Variants in CALCR observed in about 807,000 individuals in gnomAD.
CALCR encodes the protein calcitonin receptor.
In CALCR, 47 loss-of-function variants were observed where a neutral mutation model predicts 59.5. The ratio of observed to expected loss-of-function variants is 0.79; its 90% CI spans 0.63 to 1.01. The LOEUF is 1.01. Among genes scored for constraint, CALCR ranks in the 50% least tolerant of loss-of-function variants. CALCR has a pLI of 0.00. For missense variants in CALCR, 566 were observed against 597.1 expected (o/e 0.95, Z 0.54); for synonymous variants, 213 against 211.3 (o/e 1.01, Z -0.07).
At chr7:93,493,788 T>A (rs927627142) in intron 2 of CALCR, among the ~76,000 whole-genome samples, 1 of 151,382 alleles carries the variant, frequency 6.6e-6, no homozygotes, top group African/African-American at 2.4e-5. Flanking sequence ...AGATAAGAAA[T>A]TCAGGAGAGG....
At chr7:93,513,840 TATAG>T (rs1293602021) in intron 2 of CALCR, among the ~76,000 whole-genome samples, 5 of 150,178 alleles carry the variant, frequency 3.3e-5, no homozygotes, top group Admixed American at 6.6e-5. Context: ...CAAATAAACA[TATAG>T]ATATTTATTT....
chr7:93,490,236 T>C (rs528610445), intron 2 of CALCR, among the ~76,000 whole-genome samples: 73 of 152,014 alleles, frequency 4.8e-4, no homozygotes, highest in Non-Finnish European at 9.3e-4. Flanking sequence ...TTCAATAGAC[T>C]AGGTATTGAT....
At chr7:93,521,078 A>T (rs1173515442) in intron 2 of CALCR, among the ~76,000 whole-genome samples, 1 of 152,132 alleles carries the variant, frequency 6.6e-6, no homozygotes, top group East Asian at 1.9e-4. Flanking sequence ...GAAAGGTCCA[A>T]ACCCTTCCCC....
intron 2 of CALCR, among the ~76,000 whole-genome samples, chr7:93,535,210 T>C (rs1788954273): frequency 6.6e-6 from 1 of 151,750 alleles, no homozygotes; most frequent in Non-Finnish European, 1.5e-5. Context: ...CGTTTTATAC[T>C]TATGCTCTAG....
intron 2 of CALCR, among the ~76,000 whole-genome samples, chr7:93,553,039 C>A (rs141007788): frequency 1.7e-4 from 26 of 152,158 alleles, no homozygotes; most frequent in Admixed American, 1.3e-4. Flanking sequence ...GGACACCTGA[C>A]CTCACACCTT....
At chr7:93,556,941 A>G (rs2106734) in intron 2 of CALCR, among the ~76,000 whole-genome samples, 1 of 151,974 alleles carries the variant, frequency 6.6e-6, no homozygotes, top group Admixed American at 6.6e-5. Context: ...GAGCCAAAGC[A>G]TATGGGATTT....
chr7:93,528,296 A>T (rs1788730978), intron 2 of CALCR, among the ~76,000 whole-genome samples: 1 of 152,222 alleles, frequency 6.6e-6, no homozygotes. Context: ...TTTTTATTAT[A>T]CTTTAAATTC....
At chr7:93,557,047 T>G (rs1789625742) in intron 2 of CALCR, among the ~76,000 whole-genome samples, 1 of 152,020 alleles carries the variant, frequency 6.6e-6, no homozygotes, top group South Asian at 2.1e-4. Context: ...TTGGTTCATC[T>G]CCCATGACTT....
chr7:93,565,697 C>T (rs1789849781), intron 2 of CALCR, among the ~76,000 whole-genome samples: 1 of 152,092 alleles, frequency 6.6e-6, no homozygotes, highest in Non-Finnish European at 1.5e-5. Flanking sequence ...GGTCTAATAC[C>T]CTGACCTTTC....
intron 2 of CALCR, among the ~76,000 whole-genome samples, chr7:93,498,662 G>A (rs1276276806): frequency 6.6e-6 from 1 of 151,616 alleles, no homozygotes; most frequent in East Asian, 1.9e-4. Flanking sequence ...CCAATCTAAA[G>A]GATAAGCATG....
chr7:93,550,640 C>CATACAT (rs546932316), intron 2 of CALCR, among the ~76,000 whole-genome samples: 1 of 146,758 alleles, frequency 6.8e-6, no homozygotes, highest in Admixed American at 7.0e-5. Flanking sequence ...CACACACACA[C>CATACAT]GAGAGACAGA....
chr7:93,504,309 T>C (rs1801381699), intron 2 of CALCR, among the ~76,000 whole-genome samples: 1 of 152,182 alleles, frequency 6.6e-6, no homozygotes, highest in Non-Finnish European at 1.5e-5. Flanking sequence ...AAAAACACTA[T>C]CATTGTAATA....
At chr7:93,569,101 A>G (rs1789940367) in intron 2 of CALCR, among the ~76,000 whole-genome samples, 1 of 151,932 alleles carries the variant, frequency 6.6e-6, no homozygotes, top group Non-Finnish European at 1.5e-5. Context: ...TCTGTCTCCA[A>G]CAAGGAGGCC....
intron 2 of CALCR, among the ~76,000 whole-genome samples, chr7:93,554,428 G>A (rs557078785): frequency 6.6e-6 from 1 of 152,168 alleles, no homozygotes; most frequent in South Asian, 2.1e-4. Context: ...AAAGGAAAGA[G>A]ATCAAAGAAG....
At position 93,443,889 on chromosome 7, in the gene CALCR, C is replaced by T. The variant is rs572439533; in HGVS notation, c.649-132G>A. ...AGGCAGTTTCCCAAGCATCTGTAAA[C>T]ATGTGCCACCTGCTATACCCACAAA... On this transcript the variant is annotated intron_variant, in intron 8 of 13. Transcript: ENST00000426151. 6.8e-4 allele frequency: 468 copies of T among 690,044 alleles called. 1 individual carries two copies. Among genetic ancestry groups the T allele is most frequent in the African/African-American group, 1.3e-3 (73 of 55,650 alleles). The allele number at this position is 690,044 out of a possible 1,614,324, so 42.7% of individuals were successfully genotyped here.
intron 2 of CALCR, among the ~76,000 whole-genome samples, chr7:93,531,507 T>C (rs926289893): frequency 6.6e-6 from 1 of 152,158 alleles, no homozygotes; most frequent in Non-Finnish European, 1.5e-5. Context: ...TATTGGAAGA[T>C]GGAGAAATCA....
At chr7:93,491,435 G>A (rs543634997) in intron 2 of CALCR, among the ~76,000 whole-genome samples, 6 of 151,766 alleles carry the variant, frequency 4.0e-5, no homozygotes, top group African/African-American at 7.2e-5. Flanking sequence ...GAACTTCTGC[G>A]CAGCAAAAGA....
chr7:93,431,147 G>C (rs574355947), intron 13 of CALCR, among the ~76,000 whole-genome samples: 1 of 152,336 alleles, frequency 6.6e-6, no homozygotes, highest in South Asian at 2.1e-4. Flanking sequence ...AGGAAGAGGA[G>C]AGAAAGACAC....
chr7:93,570,757 T>C (rs1789984190), intron 2 of CALCR, among the ~76,000 whole-genome samples: 1 of 152,214 alleles, frequency 6.6e-6, no homozygotes, highest in Non-Finnish European at 1.5e-5. Flanking sequence ...ATGAGGTATA[T>C]GTTGCCTTGC....
Sources: gnomAD v4.1 joint callset for allele counts (sites outside exome capture counted in the v4.1 genomes callset) on GRCh38, gnomAD v4.1.1 for gene constraint, MANE v1.5 for transcripts, NCBI Gene and HGNC (gene_info 2026-07-23, HGNC 2026-07-21) for gene names.